SAMD11: variants seen among roughly 807,000 people sequenced by gnomAD.
The protein encoded by SAMD11 is sterile alpha motif domain containing 11, also known as sterile alpha motif domain-containing protein 11.
In SAMD11, 77 loss-of-function variants were observed where a neutral mutation model predicts 64.4. That is an observed-to-expected ratio of 1.20 (90% CI 0.99 to 1.44). The LOEUF (loss-of-function observed/expected upper bound fraction) is 1.44, where lower values mean the gene tolerates loss of function less well. SAMD11 is among the 40% of genes most tolerant of loss of function. The pLI is 0.00. For synonymous variants in SAMD11, 658 were observed against 421.9 expected (o/e 1.56, Z -6.86); for missense variants, 1,402 against 943.3 (o/e 1.49, Z -6.37).
chr1:930,388 G>A, intron 3 of SAMD11, 52 bp downstream of exon 3: 1 of 1,527,104 alleles, frequency 6.5e-7, no homozygotes. Flanking sequence ...TGGGGCTGGA[G>A]CTTCAGGCCT....
At chr1:933,434 A>G (rs574070890) in intron 4 of SAMD11, among the ~76,000 whole-genome samples, 87 of 152,190 alleles carry the variant, frequency 5.7e-4, no homozygotes, top group African/African-American at 1.9e-3. Flanking sequence ...CCCAGCTATT[A>G]GGCCCTCCCT....
rs756009832 is a variant in SAMD11 at position 941,200 on chromosome 1, C to T, written c.1252C>T (p.Leu418=). The T allele has an allele frequency of 1.1e-5, 18 of 1,601,838 alleles. No individual in the cohort carries two copies. Among genetic ancestry groups the T allele is most frequent in the East Asian group, 4.5e-5 (2 of 44,288 alleles). Residue 418 remains leucine, a synonymous_variant, in exon 8 of 14, where the codon CTG becomes TTG. Transcript: ENST00000616016. ...TGCAGCTCTGAGGGGCCCCAGTGGC[C>T]TGGAAGCCCACCTGCCCTCCTCCAC... ...AAAALRGPSG[L]EAHLPSSTAG... is the part of the protein sequence containing the mutation.
intron 5 of SAMD11, among the ~76,000 whole-genome samples, chr1:936,258 G>A (rs1043252039): frequency 1.3e-5 from 2 of 151,002 alleles, no homozygotes; most frequent in Non-Finnish European, 3.0e-5. Flanking sequence ...AGGGCTCCTG[G>A]ACGGAAGGGG....
intron 2 of SAMD11, among the ~76,000 whole-genome samples, chr1:926,600 G>C (rs1170544331): frequency 6.6e-6 from 1 of 152,264 alleles, no homozygotes; most frequent in East Asian, 1.9e-4. Flanking sequence ...TCGGAGGCTG[G>C]TTCAAGGCCC....
chr1:940,816 T>C (rs902586025), intron 7 of SAMD11, among the ~76,000 whole-genome samples: 10 of 152,072 alleles, frequency 6.6e-5, no homozygotes, highest in Non-Finnish European at 2.9e-5. Context: ...TTCTGGACTC[T>C]CTCGCTGCCC....
intron 7 of SAMD11, chr1:940,216 T>C (rs1254387873): frequency 2.0e-5 from 3 of 148,718 alleles, no homozygotes; most frequent in African/African-American, 7.3e-5. Flanking sequence ...TTCCCTGCTC[T>C]GCCTGGGGCC....
At chr1:932,593 G>A (rs1195379247) in intron 4 of SAMD11, among the ~76,000 whole-genome samples, 2 of 126,944 alleles carry the variant, frequency 1.6e-5, no homozygotes, top group African/African-American at 5.2e-5. Context: ...AACCCACACG[G>A]GCTCCCAGAC....
rs781310655 is a variant in SAMD11, at chr1:944,050, A to G, written c.2432A>G (p.Tyr811Cys). The change falls in exon 14 of 14, where the codon TAT becomes TGT. Residue 811 changes from tyrosine to cysteine, a missense_variant. Physicochemically the swap from Tyr to Cys is radical, Grantham distance 194. Coordinates refer to ENST00000616016, the MANE Select transcript of SAMD11 (RefSeq NM_001385641.1). ...TCCCCCACGACGGCCACGTCCCCCT[A>G]TGGAGGGGGCCACGCCCTTGCCGGT... ...PLSPTTATSPYGGGHALAGQT... is the reference protein window; with the variant it reads ...PLSPTTATSPCGGGHALAGQT... The G allele has an allele frequency of 3.1e-6, 5 of 1,612,422 alleles. No homozygotes were observed. The highest frequency in any genetic ancestry group is 3.4e-6 in the Non-Finnish European group (4 of 1,179,898).
chr1:932,495 G>T (rs937466064), intron 4 of SAMD11, among the ~76,000 whole-genome samples: 5 of 152,228 alleles, frequency 3.3e-5, no homozygotes, highest in African/African-American at 9.6e-5. Context: ...GTCCCCGGAG[G>T]AGAAGGCCCA....
At chr1:930,933 C>A in intron 3 of SAMD11, 106 bp from the exon 4 acceptor site, 1 of 1,121,922 alleles carries the variant, frequency 8.9e-7, no homozygotes, top group South Asian at 1.3e-5. Flanking sequence ...AGGGCTGTGG[C>A]CCAGCGGGGC....
chr1:941,299 T>G lies in SAMD11; in HGVS notation c.1351T>G (p.Ser451Ala), dbSNP rs768784073. 3 of 1,585,890 alleles carry G rather than the reference T, an allele frequency of 1.9e-6. No homozygotes were observed. In the South Asian group the frequency reaches 3.4e-5, roughly 18 times the overall value. ...CGCCCCAGCTGCCGCCCCGTCCTTC[T>G]CGGAGAGGTACTGGGGTGGCTGCCG... ...GAAPAAAPSFSERELPQPPPL... is the reference protein window; with the variant it reads ...GAAPAAAPSFAERELPQPPPL... Residue 451 changes from serine to alanine, a missense_variant, in exon 8 of 14, where the codon TCG (serine) becomes GCG (alanine). Coordinates refer to ENST00000616016, the MANE Select transcript of SAMD11 (RefSeq NM_001385641.1).
chr1:930,921 C>T, intron 3 of SAMD11, 118 bp from the exon 4 acceptor site: 4 of 1,001,756 alleles, frequency 4.0e-6, no homozygotes, highest in East Asian at 2.4e-5. Flanking sequence ...CGTTCACTGC[C>T]CAGGGCTGTG....
chr1:924,021 C>A lies in SAMD11; in HGVS notation c.-411C>A, dbSNP rs912096277. 6.7e-6 allele frequency: 1 copy of A among 150,254 alleles called. No individual in the cohort carries two copies. The highest frequency in any genetic ancestry group is 6.6e-5 in the Admixed American group (1 of 15,102). 9.3% of individuals were successfully genotyped at this position (150,254 alleles called of 1,614,324 possible). Reference sequence around the variant, plus strand: ...GGGCGGCGGGGCGGGGGCTTGGGACCCCCGAGAGGGGCGGGGACTCCGCGA... The same window carrying A: ...GGGCGGCGGGGCGGGGGCTTGGGACACCCGAGAGGGGCGGGGACTCCGCGA... On this transcript the variant is annotated 5_prime_UTR_variant, in exon 1 of 14. Coordinates refer to ENST00000616016, the MANE Select transcript of SAMD11 (RefSeq NM_001385641.1).
intron 7 of SAMD11, chr1:940,296 G>GCCCCCCCCCCCCCCCCCCCCC (rs552305601): frequency 1.5e-5 from 2 of 131,486 alleles, no homozygotes; most frequent in Admixed American, 1.6e-4. Context: ...CCGCGCCGCC[G>GCCCCCCCCCCCCCCCCCCCCC]CCCCCCCCCC....
At chr1:940,614 G>A (rs909454307) in intron 7 of SAMD11, among the ~76,000 whole-genome samples, 5 of 152,310 alleles carry the variant, frequency 3.3e-5, no homozygotes, top group East Asian at 1.9e-4. Flanking sequence ...ATTGGGGCGA[G>A]TGTGGCCACG....
In SAMD11 at chr1:924,563, C is replaced by T. The variant is rs1311502439; in HGVS notation, c.132C>T (p.Ala44=). 3.3e-5 allele frequency: 5 copies of T among 150,716 alleles called. No individual in the cohort carries two copies. Among genetic ancestry groups the T allele is most frequent in the Non-Finnish European group, 7.4e-5 (5 of 67,440 alleles). The allele number at this position is 150,716 out of a possible 1,614,324, so 9.3% of individuals were successfully genotyped here. A position where few individuals can be genotyped will look rare whatever the true frequency, so the allele number is the denominator to read the frequency against. The change falls in exon 1 of 14, where the codon GCC becomes GCT. Residue 44 remains alanine, a synonymous_variant. Coordinates refer to ENST00000616016, the MANE Select transcript of SAMD11 (RefSeq NM_001385641.1). The part of the protein sequence containing the change: ...PGYLAPLPAA[A]ALPPAASLPA... ...ACCTGGCGCCACTGCCCGCGGCGGC[C>T]GCCCTCCCCCCGGCCGCCTCGCTGC...
Position 943,723 on chromosome 1 carries a change from G to GGGAGACCCTGCCACTGCTGACGGA in SAMD11, c.2209_2232dup (p.Thr737_Glu744dup), listed in dbSNP as rs1553160514. 1 of 1,597,896 alleles carries GGGAGACCCTGCCACTGCTGACGGA rather than the reference G, an allele frequency of 6.3e-7. No homozygotes were observed. Among genetic ancestry groups the GGGAGACCCTGCCACTGCTGACGGA allele is most frequent in the Non-Finnish European group, 8.5e-7 (1 of 1,170,734 alleles). ...GTCTTCAGGGAGCAGGGGATCGACGGGGAGACCCTGCCACTGCTGACGGAG... is the reference window on the plus strand; with the variant it reads ...GTCTTCAGGGAGCAGGGGATCGACGGGGAGACCCTGCCACTGCTGACGGAGGAGACCCTGCCACTGCTGACGGAG... On this transcript the variant is annotated inframe_insertion, in exon 13 of 14. Coordinates refer to ENST00000616016, the MANE Select transcript of SAMD11 (RefSeq NM_001385641.1).
At chr1:934,120 A>G (rs377705237) in intron 4 of SAMD11, among the ~76,000 whole-genome samples, 1 of 132 alleles carries the variant, frequency 7.6e-3, no homozygotes, top group African/African-American at 9.4e-3. Context: ...ACAGGTGGGC[A>G]GGGGAGGCGG....
At chr1:928,777 G>A (rs558155308) in intron 2 of SAMD11, among the ~76,000 whole-genome samples, 3 of 152,362 alleles carry the variant, frequency 2.0e-5, no homozygotes, top group South Asian at 2.1e-4. Context: ...GCTCTGGGAC[G>A]GGGGCCTCCA....
Sources: allele counts gnomAD v4.1 joint callset (sites outside exome capture counted in the v4.1 genomes callset), GRCh38; gene constraint gnomAD v4.1.1; transcripts MANE v1.5; gene names NCBI Gene and HGNC (gene_info 2026-07-23, HGNC 2026-07-21).